Variants in WDR27 observed in about 807,000 individuals in gnomAD.
WDR27 encodes WD repeat domain 27.
In WDR27, 100 loss-of-function variants were observed where a neutral mutation model predicts 114.4. That is an observed-to-expected ratio of 0.87 (90% confidence interval 0.74 to 1.03). The LOEUF (loss-of-function observed/expected upper bound fraction) is 1.03. Ranked by LOEUF, WDR27 falls within the 50% of genes least tolerant of loss-of-function variation. The pLI is 0.00. For synonymous variants in WDR27, 449 were observed against 423.1 expected (o/e 1.06, Z -0.75); for missense variants, 1,129 against 1,092.9 (o/e 1.03, Z -0.47).
chr6:169,643,243 G>A (rs1562790474), intron 17 of WDR27, among the ~76,000 whole-genome samples: 1 of 152,102 alleles, frequency 6.6e-6, no homozygotes, highest in Non-Finnish European at 1.5e-5. Context: ...TCCCAGTTAT[G>A]AGTTGAAATG....
At chr6:169,581,360 AT>A (rs1222738704) in intron 24 of WDR27, among the ~76,000 whole-genome samples, 3 of 151,936 alleles carry the variant, frequency 2.0e-5, no homozygotes, top group African/African-American at 7.3e-5. Flanking sequence ...TGCACTTTTC[AT>A]TTTTCTTTCT....
chr6:169,461,575 C>T (rs1397258295), intron 25 of WDR27, among the ~76,000 whole-genome samples: 1 of 149,650 alleles, frequency 6.7e-6, no homozygotes, highest in Non-Finnish European at 1.5e-5. Context: ...AAAAATAACA[C>T]ACCATGCAAA....
intron 8 of WDR27, 122 bp from the exon 9 acceptor site, chr6:169,662,546 C>A: frequency 1.5e-6 from 2 of 1,303,032 alleles, no homozygotes; most frequent in South Asian, 2.8e-5. Context: ...ACTCGGATCA[C>A]GCGTCGAGGA....
chr6:169,624,603 G>T (rs555340631), intron 21 of WDR27, among the ~76,000 whole-genome samples: 1 of 152,298 alleles, frequency 6.6e-6, no homozygotes, highest in African/African-American at 2.4e-5. Context: ...GGAGTCAGGT[G>T]ACCTCCCAAG....
At chr6:169,466,466 CT>C (rs1785601750) in intron 25 of WDR27, among the ~76,000 whole-genome samples, 1 of 152,142 alleles carries the variant, frequency 6.6e-6, no homozygotes, top group Non-Finnish European at 1.5e-5. Context: ...GGAAAAACCC[CT>C]TATAAAACCA....
At chr6:169,610,223 T>C (rs1487296008) in intron 22 of WDR27, among the ~76,000 whole-genome samples, 1 of 152,238 alleles carries the variant, frequency 6.6e-6, no homozygotes, top group Admixed American at 6.5e-5. Context: ...CAAAGTCGCT[T>C]CCACATTTTT....
intron 21 of WDR27, among the ~76,000 whole-genome samples, chr6:169,624,641 T>G (rs79424084): frequency 0.021 from 3,172 of 152,284 alleles, 72 homozygotes; most frequent in East Asian, 0.088. Flanking sequence ...AAAACTTCAT[T>G]AATTTTCATA....
intron 23 of WDR27, among the ~76,000 whole-genome samples, chr6:169,587,326 C>A (rs1804856326): frequency 6.8e-6 from 1 of 147,322 alleles, no homozygotes; most frequent in African/African-American, 2.5e-5. Flanking sequence ...TCAAGCGATT[C>A]TCCTGCCTCA....
Position 169,613,093 on chromosome 6 carries a change from A to C in WDR27, c.2321+466T>G, listed in dbSNP as rs1445645932. Among the ~76,000 whole-genome samples the C allele has an allele frequency of 2.6e-5, 4 of 152,216 alleles. No homozygotes were observed. The East Asian group carries it at 5.8e-4, about 22-fold the overall frequency. ...AGCATCTAAAATATACTTGATGTGA[A>C]ATGAGAAGTAATTTACTTAATGATA... On this transcript the variant is annotated intron_variant, in intron 22 of 25. Coordinates refer to ENST00000448612, the MANE Select transcript of WDR27 (RefSeq NM_182552.5).
intron 22 of WDR27, among the ~76,000 whole-genome samples, chr6:169,606,474 C>T (rs753250943): frequency 4.6e-5 from 7 of 152,138 alleles, no homozygotes; most frequent in East Asian, 1.9e-4. Flanking sequence ...CTCCTTACTC[C>T]GCTGACAGGC....
intron 25 of WDR27, among the ~76,000 whole-genome samples, chr6:169,481,207 T>C (rs1007299576): frequency 1.3e-5 from 2 of 152,132 alleles, no homozygotes; most frequent in Non-Finnish European, 1.5e-5. Context: ...GGAAAACTTT[T>C]ATGTCTAGCC....
chr6:169,686,747 C>G (rs1240760023), intron 2 of WDR27, among the ~76,000 whole-genome samples: 1 of 152,152 alleles, frequency 6.6e-6, no homozygotes, highest in African/African-American at 2.4e-5. Context: ...CCTAAGCATC[C>G]ATCCACAGAT....
In WDR27 at chr6:169,665,374, G is replaced by A. The variant is rs113701010; in HGVS notation, c.783+112C>T. The A allele has an allele frequency of 3.4e-6, 5 of 1,463,886 alleles. No homozygotes were observed. The African/African-American group carries it at 5.7e-5, about 17-fold the overall frequency. The allele number at this position is 1,463,886 out of a possible 1,614,324, so 90.7% of individuals were successfully genotyped here. A position where few individuals can be genotyped will look rare whatever the true frequency, so the allele number is the denominator to read the frequency against. On this transcript the variant is annotated intron_variant, in intron 7 of 25. Coordinates refer to ENST00000448612, the MANE Select transcript of WDR27 (RefSeq NM_182552.5). ...ACGTTCTCAGCACTGAGGTGGACAG[G>A]TTTTTTCAAATCGCAGGAAAATACA...
At chr6:169,489,753 T>C (rs1349102993) in intron 25 of WDR27, among the ~76,000 whole-genome samples, 2 of 152,210 alleles carry the variant, frequency 1.3e-5, no homozygotes. Flanking sequence ...TCCAGATGGT[T>C]GCAATGTGTG....
chr6:169,442,398 C>T, the WDR27 span, among the ~76,000 whole-genome samples: 2 of 152,212 alleles, frequency 1.3e-5, no homozygotes, highest in East Asian at 1.9e-4. Context: ...ATAAAATAGA[C>T]ACCCAGCATC....
Position 169,605,108 on chromosome 6 carries a change from C to CA in WDR27, c.2322-2788dup, listed in dbSNP as rs59884264. Among the ~76,000 whole-genome samples, 117 of 76,188 alleles carry CA rather than the reference C, an allele frequency of 1.5e-3. 3 individuals are homozygous for CA. The highest frequency in any genetic ancestry group is 2.0e-3 in the Non-Finnish European group (92 of 46,122). The allele number at this position is 76,188 out of a possible 152,430, so 50.0% of individuals were successfully genotyped here. On this transcript the variant is annotated intron_variant, in intron 22 of 25. Transcript: ENST00000448612. ...AGAAGTCCTAGCCAGAGCAATTAGG[C>CA]AAAAAAAAAAAAAAAAGTTTTTTTT...
At chr6:169,498,324 A>C (rs1397675819) in intron 25 of WDR27, among the ~76,000 whole-genome samples, 1 of 152,170 alleles carries the variant, frequency 6.6e-6, no homozygotes, top group Non-Finnish European at 1.5e-5. Context: ...TAATGGGTAC[A>C]GAGATTCAAT....
At chr6:169,648,812 G>A (rs1455171396) in intron 15 of WDR27, among the ~76,000 whole-genome samples, 1 of 152,218 alleles carries the variant, frequency 6.6e-6, no homozygotes, top group Non-Finnish European at 1.5e-5. Flanking sequence ...AGCCAGTCCC[G>A]TGGACAGGTG....
intron 12 of WDR27, among the ~76,000 whole-genome samples, chr6:169,658,793 T>C (rs1825077001): frequency 6.6e-6 from 1 of 152,014 alleles, no homozygotes; most frequent in South Asian, 2.1e-4. Flanking sequence ...CCACCATTCT[T>C]CTGCCTCAGC....
Sources: allele counts gnomAD v4.1 joint callset (sites outside exome capture counted in the v4.1 genomes callset), GRCh38; gene constraint gnomAD v4.1.1; transcripts MANE v1.5; gene names NCBI Gene and HGNC (gene_info 2026-07-23, HGNC 2026-07-21).